MIR2052HG: variants seen among roughly 807,000 people sequenced by gnomAD.
MIR2052HG encodes the protein MIR2052 host gene.
intron 4 of MIR2052HG, among the ~76,000 whole-genome samples, chr8:74,740,348 C>A (rs1413906181): frequency 1.3e-5 from 2 of 152,074 alleles, no homozygotes; most frequent in African/African-American, 4.8e-5. Context: ...CCTATAATCC[C>A]AGCTACTTGG....
intron 2 of MIR2052HG, among the ~76,000 whole-genome samples, chr8:74,696,804 C>T (rs1415446789): frequency 6.6e-6 from 1 of 151,148 alleles, no homozygotes; most frequent in Non-Finnish European, 1.5e-5. Context: ...CAGTAGCAAG[C>T]AGCAAGATTA....
chr8:74,604,737 G>A (rs571878305), intron 1 of MIR2052HG, among the ~76,000 whole-genome samples: 2 of 151,876 alleles, frequency 1.3e-5, no homozygotes, highest in Admixed American at 6.6e-5. Flanking sequence ...GGGATTACAG[G>A]CATGTGCCAC....
At chr8:74,639,310 C>T (rs911211138) in intron 2 of MIR2052HG, among the ~76,000 whole-genome samples, 2 of 152,154 alleles carry the variant, frequency 1.3e-5, no homozygotes, top group Non-Finnish European at 2.9e-5. Context: ...TCTTTTTGAT[C>T]CTCCATTCAG....
chr8:74,604,517 C>T (rs1586884960), intron 1 of MIR2052HG, among the ~76,000 whole-genome samples: 1 of 5,194 alleles, frequency 1.9e-4, no homozygotes, highest in African/African-American at 8.0e-4. Flanking sequence ...CCGTGGAGGG[C>T]GGGCGGGCGG....
At chr8:74,672,299 A>G (rs376599871) in intron 2 of MIR2052HG, among the ~76,000 whole-genome samples, 4 of 152,184 alleles carry the variant, frequency 2.6e-5, no homozygotes, top group Middle Eastern at 3.4e-3. Context: ...GCACATTCAC[A>G]TTTGATTATA....
chr8:74,612,229 G>T (rs1264600342), intron 1 of MIR2052HG, among the ~76,000 whole-genome samples: 1 of 152,164 alleles, frequency 6.6e-6, no homozygotes, highest in East Asian at 1.9e-4. Flanking sequence ...ACATTCTACA[G>T]GTATCCTTGA....
At chr8:74,756,747 G>C (rs1810009263) in intron 5 of MIR2052HG, 1 of 152,150 alleles carries the variant, frequency 6.6e-6, no homozygotes, top group Non-Finnish European at 1.5e-5. Context: ...ATAATTGCTT[G>C]TTTGATATCT....
intron 4 of MIR2052HG, among the ~76,000 whole-genome samples, chr8:74,707,718 A>C (rs1307391765): frequency 6.6e-6 from 1 of 152,120 alleles, no homozygotes; most frequent in Non-Finnish European, 1.5e-5. Flanking sequence ...CTGTAATTTC[A>C]GTTAAACTGT....
chr8:74,620,760 G>C (rs546770241), intron 2 of MIR2052HG, among the ~76,000 whole-genome samples: 1 of 152,330 alleles, frequency 6.6e-6, no homozygotes, highest in East Asian at 1.9e-4. Context: ...TGATGGGAAG[G>C]GCTGCCATGA....
chr8:74,662,858 TTG>T (rs68089808), intron 2 of MIR2052HG, among the ~76,000 whole-genome samples: 17,913 of 143,924 alleles, frequency 0.12, 1,114 homozygotes, highest in Middle Eastern at 0.17. Context: ...AATGACTCAT[TTG>T]TGTGTGTGTG....
intron 1 of MIR2052HG, among the ~76,000 whole-genome samples, chr8:74,608,399 G>A (rs1212812748): frequency 1.3e-5 from 2 of 152,084 alleles, no homozygotes; most frequent in African/African-American, 2.4e-5. Flanking sequence ...ACTCAGTTAC[G>A]ATAAGATGAA....
intron 2 of MIR2052HG, among the ~76,000 whole-genome samples, chr8:74,641,699 TG>T (rs1246387645): frequency 2.0e-5 from 3 of 152,152 alleles, no homozygotes; most frequent in African/African-American, 4.8e-5. Context: ...GTAATACATT[TG>T]TGTTTGAATA....
intron 4 of MIR2052HG, among the ~76,000 whole-genome samples, chr8:74,717,684 C>T (rs778060293): frequency 7.3e-5 from 11 of 151,538 alleles, no homozygotes; most frequent in Non-Finnish European, 1.6e-4. Context: ...AGTAAGGCAT[C>T]GTGGTGTCTG....
chr8:74,753,284 A>AT, intron 5 of MIR2052HG, among the ~76,000 whole-genome samples: 1 of 151,958 alleles, frequency 6.6e-6, no homozygotes, highest in Non-Finnish European at 1.5e-5. Flanking sequence ...GGGCTGCCAC[A>AT]CAGGCAAATG....
intron 2 of MIR2052HG, among the ~76,000 whole-genome samples, chr8:74,693,231 G>C (rs1809257558): frequency 6.6e-6 from 1 of 152,174 alleles, no homozygotes; most frequent in Non-Finnish European, 1.5e-5. Context: ...TTAGCCAAGT[G>C]AAATACATGG....
chr8:74,732,255 G>T (rs1809700216), intron 4 of MIR2052HG, among the ~76,000 whole-genome samples: 1 of 152,144 alleles, frequency 6.6e-6, no homozygotes, highest in Non-Finnish European at 1.5e-5. Flanking sequence ...ATGATTCAAA[G>T]TATACAAGAG....
intron 2 of MIR2052HG, among the ~76,000 whole-genome samples, chr8:74,647,962 A>G (rs1003056846): frequency 1.1e-4 from 17 of 152,156 alleles, no homozygotes; most frequent in Admixed American, 8.5e-4. Context: ...CAAGACCACT[A>G]TTGTACAAAT....
At chr8:74,599,841 C>G (rs2128729601) in exon 1 of MIR2052HG, 2 of 158,534 alleles carry the variant, frequency 1.3e-5, no homozygotes, top group East Asian at 3.7e-4. Flanking sequence ...TGCCGCCTTG[C>G]AGTTTGATCT....
At chr8:74,652,322 T>A (rs1186616359) in intron 2 of MIR2052HG, among the ~76,000 whole-genome samples, 1 of 152,196 alleles carries the variant, frequency 6.6e-6, no homozygotes, top group Non-Finnish European at 1.5e-5. Flanking sequence ...ACATAATATT[T>A]CTGGTTGGAG....
Sources: gnomAD v4.1 joint callset for allele counts (sites outside exome capture counted in the v4.1 genomes callset) on GRCh38, gnomAD v4.1.1 for gene constraint, MANE v1.5 for transcripts, NCBI Gene and HGNC (gene_info 2026-07-23, HGNC 2026-07-21) for gene names.